Variants in LCN6 observed in about 807,000 individuals in gnomAD.
LCN6 encodes the protein epididymal-specific lipocalin-6.
A neutral mutation model predicts 21.4 loss-of-function variants in LCN6; 20 were observed. The observed-to-expected ratio is 0.93, with a 90% CI of 0.66 to 1.36. The LOEUF (loss-of-function observed/expected upper bound fraction) is 1.36, where lower values mean the gene tolerates loss of function less well. Ranked by LOEUF, LCN6 falls within the 40% of genes most tolerant of loss-of-function variation. The pLI is 0.00. For missense variants in LCN6, 217 were observed against 206.6 expected (o/e 1.05, Z -0.31); for synonymous variants, 96 against 89.0 (o/e 1.08, Z -0.44).
intron 1 of LCN6, 68 bp downstream of exon 1, chr9:136,748,326 G>T (rs527778209): frequency 1.4e-6 from 2 of 1,381,550 alleles, no homozygotes; most frequent in South Asian, 1.2e-5. Flanking sequence ...GGGCCCAGAA[G>T]CTGTGTGGCC....
intron 1 of LCN6, 117 bp from the exon 2 acceptor site, chr9:136,747,680 A>AGCCCCC (rs1564327577): frequency 1.1e-6 from 1 of 879,698 alleles, no homozygotes; most frequent in African/African-American, 2.4e-5. Flanking sequence ...TCCACCCTCC[A>AGCCCCC]ACCATCCAGC....
chr9:136,744,524 C>G lies in LCN6; in HGVS notation c.*22+116G>C. 1.5e-6 allele frequency: 1 copy of G among 656,308 alleles called. No homozygotes were observed. The highest frequency in any genetic ancestry group is 2.7e-6 in the Non-Finnish European group (1 of 374,994). The allele number at this position is 656,308 out of a possible 1,614,324, so 40.7% of individuals were successfully genotyped here. A position where few individuals can be genotyped will look rare whatever the true frequency, so the allele number is the denominator to read the frequency against. The stretch of plus-strand genomic sequence containing the variant: ...CTCAGCCTGCCTGACTCCTTCAGGG[C>G]GACTGAGTCAGGCAGAAGCCAGAAT... On this transcript the variant is annotated intron_variant, in intron 5 of 6. Coordinates refer to ENST00000341206, the MANE Select transcript of LCN6 (RefSeq NM_198946.3). This position sits in a 1 kb window ranked among gnomAD's most constrained non-coding sequence, Gnocchi z 4.2.
At chr9:136,745,620 G>A (rs1386544311) in intron 3 of LCN6, 21 of 602,824 alleles carry the variant, frequency 3.5e-5, no homozygotes, top group Non-Finnish European at 6.2e-5. Context: ...CACCTATGGG[G>A]ACCTTGGCTG....
rs575074527 is a variant in LCN6, at chr9:136,747,371, G to A, written c.230+53C>T. On this transcript the variant is annotated intron_variant, in intron 2 of 6. Transcript: ENST00000341206. ...AGCAGATGTGCAAAGTACATGATGT[G>A]GCTGAGCCACAGTCCTGCCTGCGGG... The A allele has an allele frequency of 5.0e-6, 8 of 1,597,646 alleles. 1 individual carries two copies. The South Asian group carries it at 7.8e-5, about 15-fold the overall frequency.
chr9:136,747,492 C>A lies in LCN6; in HGVS notation c.162G>T (p.Lys54Asn), dbSNP rs766126061. The A allele has an allele frequency of 5.3e-5, 85 of 1,613,590 alleles. No individual in the cohort carries two copies. The highest frequency in any genetic ancestry group is 6.9e-5 in the Non-Finnish European group (82 of 1,179,898). Residue 54 changes from lysine to asparagine, a missense_variant, in exon 2 of 7, where the codon AAG becomes AAT. By Grantham distance (94) the Lys-to-Asn change is moderately conservative. Coordinates refer to ENST00000341206, the MANE Select transcript of LCN6 (RefSeq NM_198946.3). ...GGGTCACCACCACCCCCACGACGTT[C>A]TTCATGTCCTTCTCCATGGCAAAGC... ...EKGFAMEKDM[K>N]NVVGVVVTLT...
At chr9:136,747,099 G>A (rs1375867288) in intron 2 of LCN6, 3 of 294,134 alleles carry the variant, frequency 1.0e-5, no homozygotes, top group Admixed American at 4.8e-5. Context: ...AAGGCCTGCT[G>A]AGAGGACAGG....
chr9:136,748,506 G>T lies in LCN6; in HGVS notation c.-23C>A, dbSNP rs748562238. 3 of 1,606,586 alleles carry T rather than the reference G, an allele frequency of 1.9e-6. No individual in the cohort carries two copies. Among genetic ancestry groups the T allele is most frequent in the Non-Finnish European group, 2.6e-6 (3 of 1,176,208 alleles). On this transcript the variant is annotated 5_prime_UTR_variant, in exon 1 of 7. Coordinates refer to ENST00000341206, the MANE Select transcript of LCN6 (RefSeq NM_198946.3). ...CATCCTCCCAGGTCTACACTGCGCC[G>T]CAGGCCCAGGATGTGCAGTCCCTCC... is the stretch of plus-strand genomic sequence containing the variant.
chr9:136,747,383 G>A (rs1334090249), intron 2 of LCN6, 41 bp downstream of exon 2: 1 of 1,605,448 alleles, frequency 6.2e-7, no homozygotes, highest in African/African-American at 1.3e-5. Context: ...CTGAGCCACA[G>A]TCCTGCCTGC....
chr9:136,747,704 G>A lies in LCN6; in HGVS notation c.91-141C>T, dbSNP rs1233682053. 490 of 1,042,516 alleles carry A rather than the reference G, an allele frequency of 4.7e-4. 13 individuals are homozygous for A. In the African/African-American group the frequency reaches 8.6e-3, roughly 18 times the overall value. 64.6% of individuals were successfully genotyped at this position (1,042,516 alleles called of 1,614,324 possible). A position where few individuals can be genotyped will look rare whatever the true frequency, so the allele number is the denominator to read the frequency against. ...CAACCATCCAGCCCTCCAGCCTCCA[G>A]CCTCCAACCCTCCAGCCTCCAGCCT... On this transcript the variant is annotated intron_variant, in intron 1 of 6. Coordinates refer to ENST00000341206, the MANE Select transcript of LCN6 (RefSeq NM_198946.3).
At chr9:136,748,127 C>G (rs1847075554) in intron 1 of LCN6, among the ~76,000 whole-genome samples, 1 of 151,914 alleles carries the variant, frequency 6.6e-6, no homozygotes, top group South Asian at 2.1e-4. Flanking sequence ...AGCCCTCCAG[C>G]CTCCAGTTCT....
chr9:136,747,342 C>G lies in LCN6; in HGVS notation c.230+82G>C. On this transcript the variant is annotated intron_variant, in intron 2 of 6. Coordinates refer to ENST00000341206, the MANE Select transcript of LCN6 (RefSeq NM_198946.3). ...TGGGAAGCCCCCAGGCCGCGGTGCCCGGGAGCAGATGTGCAAAGTACATGA... is the reference window on the plus strand; with the variant it reads ...TGGGAAGCCCCCAGGCCGCGGTGCCGGGGAGCAGATGTGCAAAGTACATGA... 6 of 1,515,308 alleles carry G rather than the reference C, an allele frequency of 4.0e-6. No homozygotes were observed. The South Asian group carries it at 7.2e-5, about 18-fold the overall frequency. The allele number at this position is 1,515,308 out of a possible 1,614,324, so 93.9% of individuals were successfully genotyped here.
At chr9:136,745,116 GAGTGGCCCACGCACCA>G (rs1847019448) in intron 4 of LCN6, 38 bp downstream of exon 4, 17 of 166,518 alleles carry the variant, frequency 1.0e-4, no homozygotes, top group Non-Finnish European at 1.6e-4. Context: ...CGTGGGCCCC[GAGTGGCCCACGCACCA>G]CACAGCTCCC....
chr9:136,747,557 C>G lies in LCN6; in HGVS notation c.97G>C (p.Gly33Arg). 6 of 1,610,654 alleles carry G rather than the reference C, an allele frequency of 3.7e-6. No individual in the cohort carries two copies. The highest frequency in any genetic ancestry group is 5.1e-6 in the Non-Finnish European group (6 of 1,179,760). ...LGRLDPEQLLGPWYVLAVASR... is the reference protein window; with the variant it reads ...LGRLDPEQLLRPWYVLAVASR... ...GCCACCGCAAGCACGTACCAGGGCC[C>G]AAGAAGCTGCATTGAGGCGGCTCCC... The change falls in exon 2 of 7, where the codon GGG becomes CGG. Residue 33 changes from glycine (G) to arginine (R), a missense_variant. Transcript: ENST00000341206.
Position 136,748,388 on chromosome 9 carries a change from C to G in LCN6, c.90+6G>C. ...CCAGCTCTCCCCACCCCCAGGAGGA[C>G]TGTACCTGCTCAGGGTCCAGTCTTC... On this transcript the variant is annotated splice_donor_region_variant and intron_variant, in intron 1 of 6. Transcript: ENST00000341206. 1 of 1,609,946 alleles carries G rather than the reference C, an allele frequency of 6.2e-7. No homozygotes were observed. The highest frequency in any genetic ancestry group is 1.1e-5 in the South Asian group (1 of 90,360).
chr9:136,745,918 G>A lies in LCN6; in HGVS notation c.231-4C>T, dbSNP rs1564326557. ...ACTCTGGTCACACCCTCCCAGCCTG[G>A]AAAAGAAGGGGCCTGTCACCCACTC... On this transcript the variant is annotated splice_region_variant and splice_polypyrimidine_tract_variant and intron_variant, in intron 2 of 6. Coordinates refer to ENST00000341206, the MANE Select transcript of LCN6 (RefSeq NM_198946.3). 1.9e-6 allele frequency: 3 copies of A among 1,613,382 alleles called. No homozygotes were observed. The highest frequency in any genetic ancestry group is 2.2e-5 in the East Asian group (1 of 44,866).
At chr9:136,747,604 G>T (rs747111710) in intron 1 of LCN6, 41 bp from the exon 2 acceptor site, 1 of 1,586,860 alleles carries the variant, frequency 6.3e-7, no homozygotes, top group South Asian at 1.1e-5. Flanking sequence ...CAGCCCTCCA[G>T]CCTCCAGCCT....
chr9:136,748,398 T>G lies in LCN6; in HGVS notation c.86A>C (p.Glu29Ala). 6.2e-7 allele frequency: 1 copy of G among 1,611,422 alleles called. No individual in the cohort carries two copies. The change falls in exon 1 of 7, where the codon GAG (glutamate) becomes GCG (alanine). Residue 29 changes from glutamate to alanine, a missense_variant. Glu to Ala is a moderately radical substitution (Grantham distance 107). Coordinates refer to ENST00000341206, the MANE Select transcript of LCN6 (RefSeq NM_198946.3). Reference protein sequence around the residue: ...QAVWLGRLDPEQLLGPWYVLA... With the variant: ...QAVWLGRLDPAQLLGPWYVLA... ...CCACCCCCAGGAGGACTGTACCTGC[T>G]CAGGGTCCAGTCTTCCCAACCACAC...
At chr9:136,747,381 C>T (rs1302505644) in intron 2 of LCN6, 43 bp downstream of exon 2, 1 of 1,603,816 alleles carries the variant, frequency 6.2e-7, no homozygotes, top group South Asian at 1.1e-5. Context: ...GGCTGAGCCA[C>T]AGTCCTGCCT....
At chr9:136,747,872 TCCAACCCCCCAGAC>T (rs1847070013) in intron 1 of LCN6, among the ~76,000 whole-genome samples, 1 of 56,356 alleles carries the variant, frequency 1.8e-5, no homozygotes, top group African/African-American at 8.8e-5. Flanking sequence ...GCCTCCAGCT[TCCAACCCCCCAGAC>T]CTCCAACCCT....
Sources: allele counts gnomAD v4.1 joint callset (sites outside exome capture counted in the v4.1 genomes callset), GRCh38; gene constraint gnomAD v4.1.1; non-coding constraint Gnocchi (gnomAD v3.1); transcripts MANE v1.5; gene names NCBI Gene and HGNC (gene_info 2026-07-23, HGNC 2026-07-21).